Variants in CD247 observed in about 807,000 individuals in gnomAD.
CD247 encodes T-cell surface glycoprotein CD3 zeta chain.
Under a neutral mutation model 30.0 loss-of-function variants are expected in CD247, and 13 were observed. That is an observed-to-expected ratio of 0.43 (90% confidence interval 0.28 to 0.69). The LOEUF (loss-of-function observed/expected upper bound fraction) is 0.69. Among genes scored for constraint, CD247 ranks in the 30% least tolerant of loss-of-function variants. The pLI, the probability that CD247 is intolerant of heterozygous loss-of-function variation, is 0.16. For synonymous variants in CD247, 72 were observed against 80.0 expected, an observed-to-expected ratio of 0.90 and a Z score of 0.53; for missense variants, 193 against 212.6, an observed-to-expected ratio of 0.91 and a Z score of 0.57.
intron 4 of CD247, 63 bp downstream of exon 4, chr1:167,438,507 C>T (rs1468246526): frequency 1.2e-5 from 16 of 1,339,044 alleles, no homozygotes; most frequent in Admixed American, 8.4e-5. Context: ...AGCCCTCCCC[C>T]ACAGCCTGGG....
At chr1:167,444,392 C>T (rs1171532979) in intron 1 of CD247, among the ~76,000 whole-genome samples, 1 of 152,158 alleles carries the variant, frequency 6.6e-6, no homozygotes, top group Non-Finnish European at 1.5e-5. Context: ...CAATTCCATC[C>T]CAAAGGGACC....
At chr1:167,460,614 C>G (rs888326243) in intron 1 of CD247, among the ~76,000 whole-genome samples, 3 of 152,116 alleles carry the variant, frequency 2.0e-5, no homozygotes, top group African/African-American at 7.2e-5. Context: ...AAAAATTATA[C>G]TTTAAGTTCT....
At chr1:167,469,758 G>T (rs188426946) in intron 1 of CD247, among the ~76,000 whole-genome samples, 31 of 152,090 alleles carry the variant, frequency 2.0e-4, no homozygotes, top group African/African-American at 7.5e-4. Context: ...CCTGTGATTG[G>T]CCTCCTATGG....
chr1:167,438,721 G>A, intron 3 of CD247, 71 bp from the exon 4 acceptor site: 1 of 1,246,840 alleles, frequency 8.0e-7, no homozygotes, highest in Non-Finnish European at 1.2e-6. Context: ...CTGGACTGGG[G>A]AGTGTGGTTT....
intron 1 of CD247, among the ~76,000 whole-genome samples, chr1:167,479,717 C>T (rs1042233671): frequency 2.0e-5 from 3 of 152,302 alleles, no homozygotes; most frequent in Non-Finnish European, 2.9e-5. Flanking sequence ...AACTCACCAA[C>T]ACCTACCCTC....
At chr1:167,514,831 T>C (rs1655533661) in intron 1 of CD247, among the ~76,000 whole-genome samples, 1 of 152,174 alleles carries the variant, frequency 6.6e-6, no homozygotes, top group South Asian at 2.1e-4. Context: ...ACAACTCTAA[T>C]CTAAGAGAGT....
At chr1:167,447,556 C>T (rs1329000625) in intron 1 of CD247, among the ~76,000 whole-genome samples, 3 of 152,310 alleles carry the variant, frequency 2.0e-5, no homozygotes, top group East Asian at 1.9e-4. Flanking sequence ...ACCTCACCCC[C>T]GTCCAGCTTG....
At chr1:167,518,327 C>T in intron 1 of CD247, 81 bp downstream of exon 1, 7 of 1,341,742 alleles carry the variant, frequency 5.2e-6, no homozygotes, top group Non-Finnish European at 7.5e-6. Context: ...CCCCTCACCA[C>T]CCTCCACTAC....
At position 167,440,727 on chromosome 1, in the gene CD247, G is replaced by A. The variant is rs1483803082; in HGVS notation, c.99C>T (p.Tyr33=). The A allele has an allele frequency of 1.2e-6, 2 of 1,613,698 alleles. No homozygotes were observed. The highest frequency in any genetic ancestry group is 2.7e-5 in the African/African-American group (2 of 74,922). Residue 33 remains tyrosine (Y), a synonymous_variant, in exon 2 of 8, where the codon TAC becomes TAT. Coordinates refer to ENST00000362089, the MANE Select transcript of CD247 (RefSeq NM_198053.3). ...AGATGAAGAGGATTCCATCCAGCAG[G>A]TAGCAGAGTTTGGGATCCAGCAGGC... is the stretch of plus-strand genomic sequence containing the variant. ...SFGLLDPKLC[Y]LLDGILFIYG... is the part of the protein sequence containing the mutation.
rs1047428689 is a variant in CD247, at chr1:167,494,822, A to G, written c.58+23586T>C. Reference sequence around the variant, plus strand: ...CAAGACAATTATTACCTCAGATCACATACGCCTTGGATTTCAGAGCTGGAA... The same window carrying G: ...CAAGACAATTATTACCTCAGATCACGTACGCCTTGGATTTCAGAGCTGGAA... On this transcript the variant is annotated intron_variant, in intron 1 of 7. Coordinates refer to ENST00000362089, the MANE Select transcript of CD247 (RefSeq NM_198053.3). The surrounding 1 kb of genome is among the most constrained non-coding windows in gnomAD (Gnocchi z 7.3). Among the ~76,000 whole-genome samples, 15 of 152,228 alleles carry G rather than the reference A, an allele frequency of 9.9e-5. No individual in the cohort carries two copies. The highest frequency in any genetic ancestry group is 2.9e-5 in the Non-Finnish European group (2 of 68,036).
chr1:167,478,674 A>C (rs1653852942), intron 1 of CD247, among the ~76,000 whole-genome samples: 1 of 152,228 alleles, frequency 6.6e-6, no homozygotes, highest in Non-Finnish European at 1.5e-5. Flanking sequence ...CGAGATTAAA[A>C]AGTTGTACTT....
rs559384801 is a variant in CD247, at chr1:167,518,513, C to A, written c.-48G>T. The A allele has an allele frequency of 1.3e-6, 2 of 1,545,302 alleles. No individual in the cohort carries two copies. The highest frequency in any genetic ancestry group is 4.5e-5 in the East Asian group (2 of 44,548). Reference sequence around the variant, plus strand: ...GGCTGGGAGGCAGAGGCTGAGGCAGCGGTGGCCGGGACGGTTAGGAGAAAA... The same window carrying A: ...GGCTGGGAGGCAGAGGCTGAGGCAGAGGTGGCCGGGACGGTTAGGAGAAAA... On this transcript the variant is annotated 5_prime_UTR_variant, in exon 1 of 8. Coordinates refer to ENST00000362089, the MANE Select transcript of CD247 (RefSeq NM_198053.3).
chr1:167,455,557 G>GC (rs1321073528), intron 1 of CD247, among the ~76,000 whole-genome samples: 1 of 152,190 alleles, frequency 6.6e-6, no homozygotes, highest in Non-Finnish European at 1.5e-5. Context: ...CAGCAGCCCC[G>GC]CCCCGCCGGC....
intron 4 of CD247, among the ~76,000 whole-genome samples, chr1:167,436,335 T>C (rs1298227801): frequency 6.6e-6 from 1 of 152,184 alleles, no homozygotes; most frequent in Non-Finnish European, 1.5e-5. Flanking sequence ...AGGCCACATA[T>C]GACCAATCCA....
intron 1 of CD247, among the ~76,000 whole-genome samples, chr1:167,481,644 C>T (rs968418496): frequency 2.0e-5 from 3 of 152,194 alleles, no homozygotes; most frequent in African/African-American, 4.8e-5. Context: ...GTAAGTTCAT[C>T]GCACAATCCA....
At chr1:167,457,358 T>C (rs1292727145) in intron 1 of CD247, 1 of 152,328 alleles carries the variant, frequency 6.6e-6, no homozygotes, top group African/African-American at 2.4e-5. Context: ...ACGAGTCCAA[T>C]TCCCAAACAG....
intron 1 of CD247, among the ~76,000 whole-genome samples, chr1:167,484,475 G>A (rs17534216): frequency 0.013 from 2,035 of 152,308 alleles, 25 homozygotes; most frequent in Admixed American, 0.021. Flanking sequence ...TCTGGCAGGA[G>A]CATTTTAAGA....
At chr1:167,431,790 CTG>C in intron 7 of CD247, 44 bp from the exon 8 acceptor site, 1 of 1,576,194 alleles carries the variant, frequency 6.3e-7, no homozygotes, top group Non-Finnish European at 8.7e-7. Flanking sequence ...GGTCAGTAGC[CTG>C]TGTGGGCAGG....
chr1:167,514,993 T>A (rs867019714), intron 1 of CD247, among the ~76,000 whole-genome samples: 5 of 152,306 alleles, frequency 3.3e-5, no homozygotes, highest in Middle Eastern at 3.4e-3. Flanking sequence ...AATACAGCAG[T>A]GGTTATTCAC....
Sources: allele counts gnomAD v4.1 joint callset (sites outside exome capture counted in the v4.1 genomes callset), GRCh38; gene constraint gnomAD v4.1.1; non-coding constraint Gnocchi (gnomAD v3.1); transcripts MANE v1.5; gene names NCBI Gene and HGNC (gene_info 2026-07-23, HGNC 2026-07-21).